The following CNTNAP2 variants were observed in gnomAD, a reference collection of about 807,000 sequenced individuals.
CNTNAP2 encodes the protein contactin associated protein 2.
A neutral mutation model predicts 155.2 loss-of-function variants in CNTNAP2; 98 were observed. The observed-to-expected ratio is 0.63, with a 90% CI of 0.54 to 0.75. The LOEUF is 0.75. Among genes scored for constraint, CNTNAP2 ranks in the 30% least tolerant of loss-of-function variants. The pLI is 0.00. For missense variants in CNTNAP2, 1,727 were observed against 1,688.1 expected (o/e 1.02, Z -0.40); for synonymous variants, 651 against 631.2 (o/e 1.03, Z -0.47).
At chr7:147,647,955 G>T (rs984769663) in intron 13 of CNTNAP2, among the ~76,000 whole-genome samples, 2 of 152,186 alleles carry the variant, frequency 1.3e-5, no homozygotes, top group South Asian at 2.1e-4. Flanking sequence ...GTCATTATCT[G>T]TTGGGAGGCT....
At chr7:146,124,768 G>A (rs550542947) in intron 1 of CNTNAP2, among the ~76,000 whole-genome samples, 24 of 152,180 alleles carry the variant, frequency 1.6e-4, no homozygotes, top group African/African-American at 5.3e-4. Flanking sequence ...CATGATTCGG[G>A]TGTTTTTTTC....
chr7:148,045,326 T>C (rs2707560), intron 15 of CNTNAP2, among the ~76,000 whole-genome samples: 114,389 of 150,464 alleles, frequency 0.76, 44,298 homozygotes, highest in African/African-American at 0.92. Context: ...CTAATGGGGG[T>C]GGGTGGTGGG....
At chr7:147,304,891 T>C (rs1047257177) in intron 9 of CNTNAP2, among the ~76,000 whole-genome samples, 1 of 152,144 alleles carries the variant, frequency 6.6e-6, no homozygotes, top group African/African-American at 2.4e-5. Flanking sequence ...GCGGGCAGAT[T>C]CCACGTCTGC....
intron 13 of CNTNAP2, among the ~76,000 whole-genome samples, chr7:147,829,066 A>G (rs1798506493): frequency 1.3e-5 from 2 of 152,316 alleles, no homozygotes; most frequent in South Asian, 4.1e-4. Flanking sequence ...CCCCTAAAAT[A>G]ATTTATTGAG....
chr7:146,682,181 G>C (rs1388275575), intron 1 of CNTNAP2, among the ~76,000 whole-genome samples: 1 of 151,902 alleles, frequency 6.6e-6, no homozygotes, highest in Non-Finnish European at 1.5e-5. Context: ...TAATTAATTA[G>C]AGTGACCTAG....
intron 13 of CNTNAP2, among the ~76,000 whole-genome samples, chr7:147,682,345 T>G (rs962448381): frequency 6.6e-6 from 1 of 151,966 alleles, no homozygotes; most frequent in African/African-American, 2.4e-5. Context: ...CCATAAATCT[T>G]ATTCAGTAAC....
chr7:146,389,932 C>A (rs1334560264), intron 1 of CNTNAP2, among the ~76,000 whole-genome samples: 1 of 151,980 alleles, frequency 6.6e-6, no homozygotes, highest in Admixed American at 6.6e-5. Flanking sequence ...AACTCCTGAC[C>A]TCAGGTGATC....
chr7:147,894,738 T>G lies in CNTNAP2; in HGVS notation c.2099-8827T>G, dbSNP rs374193977. Among the ~76,000 whole-genome samples the G allele has an allele frequency of 1.8e-3, 274 of 152,122 alleles. 1 individual carries two copies. Among genetic ancestry groups the G allele is most frequent in the African/African-American group, 6.3e-3 (261 of 41,498 alleles). On this transcript the variant is annotated intron_variant, in intron 13 of 23. Transcript: ENST00000361727. Reference sequence around the variant, plus strand: ...CCCAGAGACTGTGCTGGGTCTTATCTCAGAGGGCGCCAGGATCATATTTAT... The same window carrying G: ...CCCAGAGACTGTGCTGGGTCTTATCGCAGAGGGCGCCAGGATCATATTTAT...
At chr7:148,100,310 C>T (rs191493372) in intron 15 of CNTNAP2, among the ~76,000 whole-genome samples, 1 of 152,178 alleles carries the variant, frequency 6.6e-6, no homozygotes, top group Admixed American at 6.5e-5. Context: ...CAGTGTGAAT[C>T]CTTTCCATTA....
At chr7:147,853,557 TTA>T (rs1335432776) in intron 13 of CNTNAP2, among the ~76,000 whole-genome samples, 1 of 152,208 alleles carries the variant, frequency 6.6e-6, no homozygotes, top group African/African-American at 2.4e-5. Context: ...AGAAGCTCGA[TTA>T]TATATGTTAT....
chr7:147,679,626 C>T (rs1795918156), intron 13 of CNTNAP2, among the ~76,000 whole-genome samples: 1 of 151,814 alleles, frequency 6.6e-6, no homozygotes, highest in Non-Finnish European at 1.5e-5. Context: ...TGGTCTGAGT[C>T]TAATGAACCA....
intron 21 of CNTNAP2, among the ~76,000 whole-genome samples, chr7:148,316,608 C>G (rs1797693537): frequency 1.3e-5 from 2 of 152,322 alleles, no homozygotes; most frequent in Middle Eastern, 3.4e-3. Flanking sequence ...AAATCATTAA[C>G]TGGTTTCCTA....
intron 1 of CNTNAP2, among the ~76,000 whole-genome samples, chr7:146,195,522 T>C (rs73739526): frequency 0.01 from 1,580 of 152,344 alleles, 26 homozygotes; most frequent in African/African-American, 0.036. Flanking sequence ...TGCTCTTTCT[T>C]ACTGCCAATG....
chr7:146,911,119 C>G (rs1362591108), intron 3 of CNTNAP2, among the ~76,000 whole-genome samples: 4 of 152,084 alleles, frequency 2.6e-5, no homozygotes, highest in East Asian at 1.9e-4. Context: ...TCATCTCACA[C>G]CAGTTAGAAT....
Position 147,468,853 on chromosome 7 carries a change from T to C in CNTNAP2, c.1671-17082T>C, listed in dbSNP as rs371729998. On this transcript the variant is annotated intron_variant, in intron 10 of 23. Transcript: ENST00000361727. ...TCTTCTTCTTCTTCTTTTTTTTTTTTCCCCCCAGACAGAGTGTCACTCTTT... is the reference window on the plus strand; with the variant it reads ...TCTTCTTCTTCTTCTTTTTTTTTTTCCCCCCCAGACAGAGTGTCACTCTTT... Among the ~76,000 whole-genome samples the C allele has an allele frequency of 2.4e-3, 343 of 145,644 alleles. 1 individual carries two copies. The highest frequency in any genetic ancestry group is 9.7e-3 in the East Asian group (48 of 4,924).
intron 1 of CNTNAP2, among the ~76,000 whole-genome samples, chr7:146,726,345 G>C (rs1801430802): frequency 6.6e-6 from 1 of 152,128 alleles, no homozygotes; most frequent in African/African-American, 2.4e-5. Flanking sequence ...CCAATGCTTT[G>C]AGAAGTAAAT....
chr7:146,166,911 G>A (rs1449758160), intron 1 of CNTNAP2, among the ~76,000 whole-genome samples: 1 of 152,172 alleles, frequency 6.6e-6, no homozygotes, highest in African/African-American at 2.4e-5. Flanking sequence ...CTGTGAAATG[G>A]TAAGAAATTA....
intron 1 of CNTNAP2, among the ~76,000 whole-genome samples, chr7:146,302,184 A>T (rs537801995): frequency 1.3e-5 from 2 of 152,332 alleles, no homozygotes; most frequent in African/African-American, 4.8e-5. Context: ...TTGTTGCTAC[A>T]TGACAAAATG....
In CNTNAP2 at chr7:147,942,780, G is replaced by A. The variant is rs577246912; in HGVS notation, c.2256-35082G>A. Among the ~76,000 whole-genome samples, 24 of 152,254 alleles carry A rather than the reference G, an allele frequency of 1.6e-4. 1 individual carries two copies. The South Asian group carries it at 3.9e-3, about 25-fold the overall frequency. On this transcript the variant is annotated intron_variant, in intron 14 of 23. Transcript: ENST00000361727. ...TGGCCAGGCGCAGTGGCTCACGCCC[G>A]TAATCCCAGCACTTTGGGAGGCCGA...
Sources: gnomAD v4.1 joint callset for allele counts (sites outside exome capture counted in the v4.1 genomes callset) on GRCh38, gnomAD v4.1.1 for gene constraint, MANE v1.5 for transcripts, NCBI Gene and HGNC (gene_info 2026-07-23, HGNC 2026-07-21) for gene names.